Variants in CDK8 observed in about 807,000 individuals in gnomAD.
The protein encoded by CDK8 is cyclin-dependent kinase 8.
CDK8 carries 29 observed loss-of-function variants against 71.5 expected under a neutral mutation model. The ratio of observed to expected loss-of-function variants is 0.41; its 90% CI spans 0.30 to 0.55. The LOEUF (loss-of-function observed/expected upper bound fraction) is 0.55, where lower values mean the gene tolerates loss of function less well. Among genes scored for constraint, CDK8 ranks in the 20% least tolerant of loss-of-function variants. CDK8 has a pLI of 0.37. For synonymous variants in CDK8, 161 were observed against 192.1 expected (o/e 0.84, Z 1.34); for missense variants, 288 against 572.6 (o/e 0.50, Z 5.07).
At chr13:26,304,029 G>A (rs1312026299) in intron 1 of CDK8, among the ~76,000 whole-genome samples, 2 of 152,038 alleles carry the variant, frequency 1.3e-5, no homozygotes, top group Non-Finnish European at 2.9e-5. Flanking sequence ...CTTCAGGGAG[G>A]CCGAGGCGGG....
intron 2 of CDK8, among the ~76,000 whole-genome samples, chr13:26,343,089 A>G (rs2137982465): frequency 6.6e-6 from 1 of 152,228 alleles, no homozygotes; most frequent in South Asian, 2.1e-4. Flanking sequence ...TAACCTAATT[A>G]CTTCTTAAAA....
At chr13:26,271,384 C>T (rs1872313963) in intron 1 of CDK8, among the ~76,000 whole-genome samples, 1 of 152,130 alleles carries the variant, frequency 6.6e-6, no homozygotes, top group African/African-American at 2.4e-5. Flanking sequence ...TAGCCTATTG[C>T]TTAGTCTACA....
At chr13:26,394,875 G>C (rs199542953) in intron 7 of CDK8, among the ~76,000 whole-genome samples, 1 of 152,170 alleles carries the variant, frequency 6.6e-6, no homozygotes, top group East Asian at 1.9e-4. Context: ...CTGTTAAAAA[G>C]AGCTAACTGA....
Position 26,349,168 on chromosome 13 carries a change from G to A in CDK8, c.301G>A (p.Glu101Lys), listed in dbSNP as rs2137992042. ...RKVWLLFDYA[E>K]HDLWHIIKFH... ...GGTGTGGCTTCTGTTTGACTATGCT[G>A]AACATGACCTCTGGGTAAGGTGAAT... The change falls in exon 3 of 13, where the codon GAA (glutamate) becomes AAA (lysine). Residue 101 changes from glutamate to lysine, a missense_variant. This residue lies in a region of CDK8 where 95 missense variants were observed against 177.3 expected (regional missense o/e 0.54). Transcript: ENST00000381527. 1 of 1,594,986 alleles carries A rather than the reference G, an allele frequency of 6.3e-7. No individual in the cohort carries two copies. Among genetic ancestry groups the A allele is most frequent in the Non-Finnish European group, 8.6e-7 (1 of 1,163,836 alleles).
chr13:26,380,898 CT>C (rs1029897716), intron 4 of CDK8, among the ~76,000 whole-genome samples: 5 of 152,044 alleles, frequency 3.3e-5, no homozygotes, highest in African/African-American at 1.2e-4. Context: ...TTCACAGGAA[CT>C]TTTTTTTAAC....
intron 1 of CDK8, among the ~76,000 whole-genome samples, chr13:26,337,316 A>G (rs1389474935): frequency 6.6e-6 from 1 of 152,152 alleles, no homozygotes; most frequent in African/African-American, 2.4e-5. Flanking sequence ...CTGTATCTCA[A>G]TCTGTGTCTT....
chr13:26,387,850 C>T (rs138008038), intron 6 of CDK8, among the ~76,000 whole-genome samples: 60 of 152,260 alleles, frequency 3.9e-4, no homozygotes, highest in African/African-American at 1.3e-3. Flanking sequence ...ACCCTACCTC[C>T]GCCTTCACAC....
At chr13:26,396,720 T>G (rs1458829887) in intron 8 of CDK8, among the ~76,000 whole-genome samples, 2 of 152,144 alleles carry the variant, frequency 1.3e-5, no homozygotes, top group Non-Finnish European at 2.9e-5. Context: ...TACAGTAATT[T>G]TAAGCAGGTT....
At chr13:26,285,068 G>C (rs1014912842) in intron 1 of CDK8, among the ~76,000 whole-genome samples, 7 of 151,942 alleles carry the variant, frequency 4.6e-5, no homozygotes, top group Non-Finnish European at 7.4e-5. Flanking sequence ...TTGAAACCCT[G>C]TCTCTACTAA....
chr13:26,257,119 G>C (rs552400516), intron 1 of CDK8, among the ~76,000 whole-genome samples: 3 of 152,142 alleles, frequency 2.0e-5, no homozygotes, highest in Non-Finnish European at 4.4e-5. Flanking sequence ...TTCTAGTATT[G>C]ATTTACTTTC....
intron 4 of CDK8, among the ~76,000 whole-genome samples, chr13:26,371,218 A>G (rs1874667707): frequency 1.3e-5 from 2 of 152,194 alleles, no homozygotes; most frequent in African/African-American, 4.8e-5. Context: ...ACTTTTATAT[A>G]TCAAGAATCT....
intron 6 of CDK8, among the ~76,000 whole-genome samples, chr13:26,391,785 G>A (rs993440227): frequency 2.0e-5 from 3 of 152,138 alleles, no homozygotes; most frequent in East Asian, 1.9e-4. Flanking sequence ...ATGTAAATAC[G>A]ATGTCATTTT....
intron 1 of CDK8, among the ~76,000 whole-genome samples, chr13:26,309,313 AT>A (rs1216253389): frequency 1.3e-5 from 2 of 151,600 alleles, no homozygotes. Flanking sequence ...CTAATTTTTT[AT>A]GTTTTTAGTA....
chr13:26,304,379 A>G (rs1052127449), intron 1 of CDK8, among the ~76,000 whole-genome samples: 3 of 152,014 alleles, frequency 2.0e-5, no homozygotes, highest in East Asian at 3.8e-4. Flanking sequence ...CTAGTATTTC[A>G]TTTAAATCTT....
In CDK8 at chr13:26,404,201, C is replaced by A; in HGVS notation, c.*120C>A. On this transcript the variant is annotated 3_prime_UTR_variant, in exon 13 of 13. Transcript: ENST00000381527. ...CTGTACAACCACATCTTCAAAATGT[C>A]CAGTAGCCAAGTTCCACCACTTTTC... 1 of 1,185,256 alleles carries A rather than the reference C, an allele frequency of 8.4e-7. No homozygotes were observed. Among genetic ancestry groups the A allele is most frequent in the Non-Finnish European group, 1.2e-6 (1 of 856,330 alleles). 73.4% of individuals were successfully genotyped at this position (1,185,256 alleles called of 1,614,324 possible).
intron 4 of CDK8, among the ~76,000 whole-genome samples, chr13:26,371,782 A>AT (rs969916021): frequency 5.3e-5 from 8 of 151,818 alleles, no homozygotes; most frequent in Admixed American, 4.6e-4. Flanking sequence ...TGCCCAGCTA[A>AT]TTTTTTTGTA....
chr13:26,262,960 G>A (rs1245423755), intron 1 of CDK8, among the ~76,000 whole-genome samples: 1 of 152,160 alleles, frequency 6.6e-6, no homozygotes, highest in Non-Finnish European at 1.5e-5. Flanking sequence ...ATCCTACAGA[G>A]AGGAATTTTT....
At chr13:26,300,267 A>AT (rs1298395792) in intron 1 of CDK8, among the ~76,000 whole-genome samples, 2 of 152,082 alleles carry the variant, frequency 1.3e-5, no homozygotes, top group Non-Finnish European at 2.9e-5. Flanking sequence ...CTATTAATAT[A>AT]TTTTTTTAAT....
At chr13:26,376,204 C>T (rs553661660) in intron 4 of CDK8, among the ~76,000 whole-genome samples, 92 of 96,664 alleles carry the variant, frequency 9.5e-4, no homozygotes, top group Non-Finnish European at 1.3e-3. Flanking sequence ...AAGCTAGGTT[C>T]GCTTTTTTAA....
Sources: gnomAD v4.1 joint callset for allele counts (sites outside exome capture counted in the v4.1 genomes callset) on GRCh38, gnomAD v4.1.1 for gene constraint, gnomAD v4.1.1 regional missense constraint, MANE v1.5 for transcripts, NCBI Gene and HGNC (gene_info 2026-07-23, HGNC 2026-07-21) for gene names.